MICU3: variants seen among roughly 807,000 people sequenced by gnomAD.
The protein encoded by MICU3 is calcium uptake protein 3, mitochondrial.
MICU3 carries 62 observed loss-of-function variants against 66.5 expected under a neutral mutation model. The ratio of observed to expected loss-of-function variants is 0.93; its 90% confidence interval spans 0.76 to 1.15. The LOEUF (loss-of-function observed/expected upper bound fraction) is 1.15, where lower values mean the gene tolerates loss of function less well. Ranked by LOEUF, MICU3 falls within the 50% of genes most tolerant of loss-of-function variation. The pLI is 0.00. For missense variants in MICU3, 779 were observed against 664.4 expected (o/e 1.17, Z -1.90); for synonymous variants, 308 against 240.7 (o/e 1.28, Z -2.59).
At chr8:17,110,075 A>C (rs7835868) in intron 11 of MICU3, among the ~76,000 whole-genome samples, 52,777 of 151,938 alleles carry the variant, frequency 0.35, 9,850 homozygotes, top group East Asian at 0.8. Flanking sequence ...ATTGTGGCAT[A>C]ATTTATGGGA....
chr8:17,033,116 C>G (rs1812373909), intron 1 of MICU3, among the ~76,000 whole-genome samples: 1 of 152,142 alleles, frequency 6.6e-6, no homozygotes. Context: ...AGAATGGCCT[C>G]TAAGTGTTCA....
chr8:17,065,147 A>T (rs146576285), intron 2 of MICU3, among the ~76,000 whole-genome samples: 1 of 152,208 alleles, frequency 6.6e-6, no homozygotes, highest in Non-Finnish European at 1.5e-5. Flanking sequence ...AAAAATCAGT[A>T]TAACAAATAA....
intron 1 of MICU3, among the ~76,000 whole-genome samples, chr8:17,028,201 G>A (rs1446334040): frequency 6.6e-6 from 1 of 152,170 alleles, no homozygotes; most frequent in Non-Finnish European, 1.5e-5. Flanking sequence ...TACCAGGTCT[G>A]AAAAGAAATA....
At chr8:17,087,524 C>T (rs913905952) in intron 7 of MICU3, among the ~76,000 whole-genome samples, 1 of 151,922 alleles carries the variant, frequency 6.6e-6, no homozygotes, top group African/African-American at 2.4e-5. Context: ...TAGAGTTAAG[C>T]AACATTACCC....
chr8:17,098,340 CAAAA>C, intron 8 of MICU3, 114 bp from the exon 9 acceptor site: 2 of 772,222 alleles, frequency 2.6e-6, no homozygotes, highest in Non-Finnish European at 4.6e-6. Flanking sequence ...AACAAACAAA[CAAAA>C]AAAGGTAAGC....
chr8:17,033,246 G>A (rs1352901384), intron 1 of MICU3, among the ~76,000 whole-genome samples: 1 of 152,214 alleles, frequency 6.6e-6, no homozygotes, highest in Non-Finnish European at 1.5e-5. Flanking sequence ...TGTGGAAAGA[G>A]TTAGCGAAGT....
rs1399056132 is a variant in MICU3, at chr8:17,120,284, T to C, written c.*1-4T>C. 6.6e-6 allele frequency: 1 copy of C among 152,172 alleles called. No individual in the cohort carries two copies. The highest frequency in any genetic ancestry group is 1.5e-5 in the Non-Finnish European group (1 of 68,008). The allele number at this position is 152,172 out of a possible 1,614,324, so 9.4% of individuals were successfully genotyped here. ...GCTTTTGTGTTATTATTTTTTTTAA[T>C]TAGATACTCCTAAAACAAAGTTTAA... On this transcript the variant is annotated splice_region_variant and splice_polypyrimidine_tract_variant and intron_variant, in intron 14 of 14. Transcript: ENST00000318063.
chr8:17,102,420 A>C (rs574988342), intron 9 of MICU3: 1 of 152,134 alleles, frequency 6.6e-6, no homozygotes, highest in African/African-American at 2.4e-5. Flanking sequence ...ATGACTACTA[A>C]TAAGAACATT....
the MICU3 span, among the ~76,000 whole-genome samples, chr8:17,137,521 T>TTA: frequency 2.0e-4 from 27 of 134,610 alleles, no homozygotes; most frequent in East Asian, 2.9e-3. Flanking sequence ...TGCTTTTTTT[T>TTA]AAAAAAAAAA....
chr8:17,093,829 A>G (rs1800353717), intron 8 of MICU3, among the ~76,000 whole-genome samples: 1 of 151,880 alleles, frequency 6.6e-6, no homozygotes, highest in South Asian at 2.1e-4. Flanking sequence ...TTTTTCCTGT[A>G]GTGATGATGA....
intron 9 of MICU3, among the ~76,000 whole-genome samples, chr8:17,099,080 C>T (rs1218899707): frequency 6.6e-6 from 1 of 151,668 alleles, no homozygotes; most frequent in Non-Finnish European, 1.5e-5. Flanking sequence ...TATTTCAGTT[C>T]TATTACTGTT....
chr8:17,116,432 C>T lies in MICU3; in HGVS notation c.1367-11C>T, dbSNP rs746468570. The T allele has an allele frequency of 1.4e-6, 2 of 1,422,778 alleles. No individual in the cohort carries two copies. The highest frequency in any genetic ancestry group is 1.5e-5 in the African/African-American group (1 of 67,794). 88.1% of individuals were successfully genotyped at this position (1,422,778 alleles called of 1,614,324 possible). On this transcript the variant is annotated splice_polypyrimidine_tract_variant and intron_variant, in intron 12 of 14. Coordinates refer to ENST00000318063, the MANE Select transcript of MICU3 (RefSeq NM_181723.3). ...AACAGTCTATTCTTTTTCTATGTAACATTTATCTAGATGAATTTAAACGTG... is the reference window on the plus strand; with the variant it reads ...AACAGTCTATTCTTTTTCTATGTAATATTTATCTAGATGAATTTAAACGTG...
chr8:17,093,485 T>C (rs968562587), intron 8 of MICU3, among the ~76,000 whole-genome samples: 2 of 152,006 alleles, frequency 1.3e-5, no homozygotes, highest in African/African-American at 2.4e-5. Context: ...TATATACAGA[T>C]GTATATTACC....
the MICU3 span, among the ~76,000 whole-genome samples, chr8:17,128,165 G>C: frequency 1.3e-5 from 2 of 151,896 alleles, no homozygotes; most frequent in African/African-American, 4.8e-5. Flanking sequence ...GAGAGGACCT[G>C]AATGGGCCCT....
In MICU3 at chr8:17,098,545, C is replaced by G. The variant is rs772831859; in HGVS notation, c.976C>G (p.Leu326Val). 6 of 1,605,300 alleles carry G rather than the reference C, an allele frequency of 3.7e-6. No homozygotes were observed. In the East Asian group the frequency reaches 1.3e-4, roughly 36 times the overall value. Residue 326 changes from leucine to valine, a missense_variant, in exon 9 of 15, where the codon CTC becomes GTC. Transcript: ENST00000318063. ...RNTSQALFSD[L>V]AERADDITSL... is the part of the protein sequence containing the mutation. ...CACAAGCCAAGCACTGTTTTCAGAC[C>G]TCGCAGAGGTATAATTAAACCTCAA...
At chr8:17,050,405 A>G (rs561796638) in intron 1 of MICU3, among the ~76,000 whole-genome samples, 1 of 152,118 alleles carries the variant, frequency 6.6e-6, no homozygotes, top group East Asian at 1.9e-4. Flanking sequence ...TGTAAAATAT[A>G]CCACTTTATT....
chr8:17,092,278 A>C (rs918393651), intron 8 of MICU3, among the ~76,000 whole-genome samples: 16 of 152,046 alleles, frequency 1.1e-4, no homozygotes, highest in Non-Finnish European at 1.5e-5. Context: ...GTTTTCATAT[A>C]GGGTCATTAT....
chr8:17,033,255 G>A (rs561877543), intron 1 of MICU3, among the ~76,000 whole-genome samples: 19 of 152,310 alleles, frequency 1.2e-4, no homozygotes, highest in Admixed American at 2.0e-4. Flanking sequence ...AGTTAGCGAA[G>A]TTGTGAATGC....
intron 11 of MICU3, among the ~76,000 whole-genome samples, chr8:17,113,650 A>G (rs1802409324): frequency 6.6e-6 from 1 of 152,228 alleles, no homozygotes; most frequent in Non-Finnish European, 1.5e-5. Context: ...AAAGACATTC[A>G]TGATCTAATG....
Sources: gnomAD v4.1 joint callset for allele counts (sites outside exome capture counted in the v4.1 genomes callset) on GRCh38, gnomAD v4.1.1 for gene constraint, MANE v1.5 for transcripts, NCBI Gene and HGNC (gene_info 2026-07-23, HGNC 2026-07-21) for gene names.